The following KALRN variants were observed in gnomAD, a reference collection of about 807,000 sequenced individuals.
The protein encoded by KALRN is kalirin RhoGEF kinase.
Under a neutral mutation model 353.7 loss-of-function variants are expected in KALRN, and 70 were observed. That is an observed-to-expected ratio of 0.20 (90% CI 0.16 to 0.24). KALRN has a LOEUF of 0.24. Among genes scored for constraint, KALRN ranks in the 10% least tolerant of loss-of-function variants. The probability of loss-of-function intolerance (pLI) is 1.00; values close to 1 mark genes in which losing one functional copy is unlikely to be tolerated. For synonymous variants in KALRN, 1,391 were observed against 1,434.8 expected, an observed-to-expected ratio of 0.97 and a Z score of 0.69; for missense variants, 2,791 against 3,756.7, an observed-to-expected ratio of 0.74 and a Z score of 6.72.
At chr3:124,669,122 TTTTCAA>T (rs2086053224) in intron 47 of KALRN, among the ~76,000 whole-genome samples, 1 of 152,188 alleles carries the variant, frequency 6.6e-6, no homozygotes, top group Non-Finnish European at 1.5e-5. Flanking sequence ...TGTCCTACTT[TTTTCAA>T]GTGAGGAAAA....
intron 43 of KALRN, among the ~76,000 whole-genome samples, chr3:124,660,097 A>G (rs757505665): frequency 2.2e-4 from 33 of 151,734 alleles, no homozygotes; most frequent in Non-Finnish European, 2.2e-4. Context: ...ATGCCTGGCT[A>G]ATTTTTTATT....
chr3:124,405,675 G>C (rs1023065875), intron 13 of KALRN, among the ~76,000 whole-genome samples: 2 of 120,504 alleles, frequency 1.7e-5, no homozygotes, highest in African/African-American at 6.5e-5. Flanking sequence ...ACGGAGTCTC[G>C]CTCTGTCAGC....
At chr3:124,394,272 T>C (rs566499594) in intron 11 of KALRN, among the ~76,000 whole-genome samples, 28 of 152,312 alleles carry the variant, frequency 1.8e-4, no homozygotes, top group African/African-American at 5.5e-4. Flanking sequence ...GCTAGTCAGG[T>C]GAACACTCCT....
At chr3:124,046,642 T>A (rs980104118) in intron 1 of KALRN, among the ~76,000 whole-genome samples, 1 of 152,200 alleles carries the variant, frequency 6.6e-6, no homozygotes, top group Admixed American at 6.5e-5. Context: ...ACAGTGTTTT[T>A]GGCTGGTGAT....
At chr3:124,069,481 A>T (rs2042672547) in intron 1 of KALRN, among the ~76,000 whole-genome samples, 1 of 152,204 alleles carries the variant, frequency 6.6e-6, no homozygotes, top group South Asian at 2.1e-4. Context: ...TGCTAGAGAG[A>T]ATCACATGAA....
chr3:124,717,214 A>G (rs767457822), intron 58 of KALRN, 33 bp from the exon 59 acceptor site: 1 of 1,557,872 alleles, frequency 6.4e-7, no homozygotes, highest in Non-Finnish European at 8.7e-7. Flanking sequence ...CATTTCAAAC[A>G]TATTTCCTTT....
At chr3:124,311,173 A>G (rs957584972) in intron 6 of KALRN, among the ~76,000 whole-genome samples, 1 of 146,628 alleles carries the variant, frequency 6.8e-6, no homozygotes. Flanking sequence ...ATAATCAAAA[A>G]CTCTGGACAG....
At chr3:124,415,818 G>C (rs9817001) in intron 14 of KALRN, among the ~76,000 whole-genome samples, 3,972 of 152,248 alleles carry the variant, frequency 0.026, 180 homozygotes, top group African/African-American at 0.089. Context: ...GCATCACTTG[G>C]GAGCAGATTA....
At chr3:124,365,323 C>A (rs770391667) in intron 10 of KALRN, among the ~76,000 whole-genome samples, 71 of 152,186 alleles carry the variant, frequency 4.7e-4, no homozygotes, top group Admixed American at 5.2e-4. Flanking sequence ...AGCAGAGACA[C>A]CCTGAGAGCC....
chr3:124,659,919 AT>A, intron 43 of KALRN, among the ~76,000 whole-genome samples: 1 of 148,896 alleles, frequency 6.7e-6, no homozygotes, highest in South Asian at 2.1e-4. Context: ...ATCAATATAT[AT>A]TATAAAGTAT....
intron 21 of KALRN, among the ~76,000 whole-genome samples, chr3:124,452,972 A>G (rs920979446): frequency 1.3e-5 from 2 of 152,174 alleles, no homozygotes; most frequent in Non-Finnish European, 2.9e-5. Flanking sequence ...CCATAAACAC[A>G]TGGTCTCTGT....
chr3:124,460,450 C>A (rs912480955), intron 23 of KALRN, among the ~76,000 whole-genome samples: 1 of 152,138 alleles, frequency 6.6e-6, no homozygotes, highest in Non-Finnish European at 1.5e-5. Context: ...AACAAAAGAA[C>A]AATTCTAGAA....
intron 34 of KALRN, among the ~76,000 whole-genome samples, chr3:124,601,577 A>C (rs540052429): frequency 1.4e-4 from 22 of 152,316 alleles, no homozygotes; most frequent in African/African-American, 5.1e-4. Context: ...TTCTTAAGTA[A>C]TTCTTCAACC....
At chr3:124,539,283 T>C (rs1424953205) in intron 33 of KALRN, among the ~76,000 whole-genome samples, 1 of 152,210 alleles carries the variant, frequency 6.6e-6, no homozygotes, top group Admixed American at 6.5e-5. Flanking sequence ...CACTTAGGCT[T>C]TCTGTGCCTT....
intron 39 of KALRN, among the ~76,000 whole-genome samples, chr3:124,656,373 G>C (rs1464098698): frequency 1.3e-5 from 2 of 152,198 alleles, no homozygotes; most frequent in Non-Finnish European, 2.9e-5. Flanking sequence ...CACTTTGGGA[G>C]GCTGAGACGG....
intron 34 of KALRN, among the ~76,000 whole-genome samples, chr3:124,582,491 C>T (rs967633731): frequency 1.3e-5 from 2 of 152,124 alleles, no homozygotes; most frequent in Non-Finnish European, 2.9e-5. Context: ...TTATGTTCTA[C>T]TGTTCCAAAG....
At chr3:124,310,714 A>G (rs2078165347) in intron 6 of KALRN, among the ~76,000 whole-genome samples, 1 of 152,228 alleles carries the variant, frequency 6.6e-6, no homozygotes, top group Non-Finnish European at 1.5e-5. Context: ...AGTCATAAGC[A>G]AAAGAATGAT....
In KALRN at chr3:124,430,751, C is replaced by T. The variant is rs370659528; in HGVS notation, c.2805C>T (p.His935=). 172 of 1,613,948 alleles carry T rather than the reference C, an allele frequency of 1.1e-4. 1 individual carries two copies. Among genetic ancestry groups the T allele is most frequent in the African/African-American group, 1.7e-4 (13 of 74,946 alleles). The change falls in exon 16 of 60, where the codon CAC becomes CAT. Residue 935 remains histidine, a synonymous_variant. Coordinates refer to ENST00000682506, the MANE Select transcript of KALRN (RefSeq NM_001388419.1). ...AAGCAGAGCAGCTGCAGCGGGAGCA[C>T]GAGCAGTTCCAACTGGCCATCGAGG... The part of the protein sequence containing the change: ...LSEAEQLQRE[H]EQFQLAIESL...
chr3:124,621,233 A>G (rs2079233859), intron 34 of KALRN, among the ~76,000 whole-genome samples: 1 of 152,242 alleles, frequency 6.6e-6, no homozygotes, highest in African/African-American at 2.4e-5. Context: ...GAAGGGGGAC[A>G]ATAACTAGAA....
Sources: allele counts gnomAD v4.1 joint callset (sites outside exome capture counted in the v4.1 genomes callset), GRCh38; gene constraint gnomAD v4.1.1; transcripts MANE v1.5; gene names NCBI Gene and HGNC (gene_info 2026-07-23, HGNC 2026-07-21).